Variants in TCEANC2 observed in about 807,000 individuals in gnomAD.
TCEANC2 encodes transcription elongation factor A N-terminal and central domain containing 2.
TCEANC2 carries 20 observed loss-of-function variants against 22.8 expected under a neutral mutation model. The ratio of observed to expected loss-of-function variants is 0.88; its 90% CI spans 0.62 to 1.28. The LOEUF is 1.28. TCEANC2 is among the 50% of genes most tolerant of loss of function. TCEANC2 has a pLI of 0.00. For missense variants in TCEANC2, 251 were observed against 249.7 expected, an observed-to-expected ratio of 1.01 and a Z score of -0.03; for synonymous variants, 84 against 95.5, an observed-to-expected ratio of 0.88 and a Z score of 0.70.
At chr1:54,066,360 C>T (rs1369667016) in intron 2 of TCEANC2, among the ~76,000 whole-genome samples, 1 of 151,874 alleles carries the variant, frequency 6.6e-6, no homozygotes, top group African/African-American at 2.4e-5. Flanking sequence ...TATCAGTAAT[C>T]ATAATAAACA....
chr1:54,070,950 C>T lies in TCEANC2; in HGVS notation c.244+2053C>T, dbSNP rs532725611. On this transcript the variant is annotated intron_variant, in intron 3 of 4. Transcript: ENST00000234827. ...TGATGGGGAGAAGTTAGCAAAATGA[C>T]TATATGTGTTAGGAGTAGGGCAGAA... Among the ~76,000 whole-genome samples the T allele has an allele frequency of 3.9e-5, 6 of 152,240 alleles. No individual in the cohort carries two copies. The South Asian group carries it at 1.2e-3, about 32-fold the overall frequency.
chr1:54,069,634 T>C (rs1201636197), intron 3 of TCEANC2, among the ~76,000 whole-genome samples: 1 of 151,080 alleles, frequency 6.6e-6, no homozygotes, highest in Non-Finnish European at 1.5e-5. Flanking sequence ...ACTTAGAGTT[T>C]GGTAGAGGAG....
chr1:54,111,570 ACT>A (rs1246054892), exon 5 of TCEANC2: 1 of 152,164 alleles, frequency 6.6e-6, no homozygotes, highest in Non-Finnish European at 1.5e-5. Flanking sequence ...AAAGCTTTTT[ACT>A]GGCCCCGTTG....
chr1:54,071,212 A>G (rs1370124543), intron 3 of TCEANC2, among the ~76,000 whole-genome samples: 1 of 152,202 alleles, frequency 6.6e-6, no homozygotes, highest in East Asian at 1.9e-4. Flanking sequence ...GTTATCTATC[A>G]CTGTGTAAAA....
rs1658710445 is a variant in TCEANC2 at position 54,104,394 on chromosome 1, G to GA, written c.*7921_*7922insA. 5 of 309,990 alleles carry GA rather than the reference G, an allele frequency of 1.6e-5. No homozygotes were observed. Among genetic ancestry groups the GA allele is most frequent in the Admixed American group, 1.6e-4 (4 of 25,316 alleles). 19.2% of individuals were successfully genotyped at this position (309,990 alleles called of 1,614,324 possible). ...AGCTCCTCATATCAGGAGACTACTA[G>GA]GCAAGAACAGTCACCATTCTTTGAG... On this transcript the variant is annotated 3_prime_UTR_variant, in exon 5 of 5. Coordinates refer to ENST00000234827, the MANE Select transcript of TCEANC2 (RefSeq NM_153035.3).
chr1:54,055,032 C>T (rs1657721754), intron 2 of TCEANC2, among the ~76,000 whole-genome samples: 1 of 152,160 alleles, frequency 6.6e-6, no homozygotes, highest in Non-Finnish European at 1.5e-5. Context: ...GACTGCAGTA[C>T]AGTGGCACGA....
chr1:54,066,180 T>A (rs1020418994), intron 2 of TCEANC2, among the ~76,000 whole-genome samples: 3 of 151,464 alleles, frequency 2.0e-5, no homozygotes, highest in African/African-American at 4.9e-5. Context: ...AGCCCTGGAG[T>A]TGAAGGCTAC....
At position 54,088,628 on chromosome 1, in the gene TCEANC2, A is replaced by G; in HGVS notation, c.276A>G (p.Ser92=). 6.2e-7 allele frequency: 1 copy of G among 1,604,436 alleles called. No homozygotes were observed. Among genetic ancestry groups the G allele is most frequent in the Non-Finnish European group, 8.5e-7 (1 of 1,177,398 alleles). Residue 92 remains serine (S), a synonymous_variant, in exon 4 of 5, where the codon TCA becomes TCG. Transcript: ENST00000234827. Reference sequence around the variant, plus strand: ...CTGTGAACAAGATGCGTAAACACTCAGATTCAGAAGTGGCTTCTCTTGCCA... The same window carrying G: ...CTGTGAACAAGATGCGTAAACACTCGGATTCAGAAGTGGCTTCTCTTGCCA... ...GHTVNKMRKH[S]DSEVASLARE... is the part of the protein sequence containing the mutation.
chr1:54,072,369 T>A (rs1045134050), intron 3 of TCEANC2, among the ~76,000 whole-genome samples: 2 of 151,816 alleles, frequency 1.3e-5, no homozygotes, highest in African/African-American at 2.4e-5. Context: ...TTTTTCATTT[T>A]TAAAAATTTG....
Position 54,104,465 on chromosome 1 carries a change from G to A in TCEANC2, c.*7992G>A, listed in dbSNP as rs1367931920. On this transcript the variant is annotated 3_prime_UTR_variant, in exon 5 of 5. Transcript: ENST00000234827. ...CAGGAGGAGGTACAGCTGCTGTTAAGCAATGGAGGGAAGGGAGGTATATCT... is the reference window on the plus strand; with the variant it reads ...CAGGAGGAGGTACAGCTGCTGTTAAACAATGGAGGGAAGGGAGGTATATCT... 1 of 374,028 alleles carries A rather than the reference G, an allele frequency of 2.7e-6. No homozygotes were observed. Among genetic ancestry groups the A allele is most frequent in the Admixed American group, 3.1e-5 (1 of 32,006 alleles). The allele number at this position is 374,028 out of a possible 1,614,324, so 23.2% of individuals were successfully genotyped here. A position where few individuals can be genotyped will look rare whatever the true frequency, so the allele number is the denominator to read the frequency against.
chr1:54,054,275 C>G (rs1276125744), intron 1 of TCEANC2, 106 bp from the exon 2 acceptor site: 6 of 1,456,938 alleles, frequency 4.1e-6, no homozygotes, highest in Non-Finnish European at 5.4e-6. Context: ...ACTCGAGGCC[C>G]CATAATTCAT....
In TCEANC2 at chr1:54,054,156, T is replaced by G. The variant is rs907566576; in HGVS notation, c.-42-225T>G. ...GAATCCTCGCTAGAGCGTGCACTTC[T>G]GGAAGCTAGGAACCTCCTAACTCAG... On this transcript the variant is annotated intron_variant, in intron 1 of 4. Coordinates refer to ENST00000234827, the MANE Select transcript of TCEANC2 (RefSeq NM_153035.3). 8 of 1,136,228 alleles carry G rather than the reference T, an allele frequency of 7.0e-6. No individual in the cohort carries two copies. In the African/African-American group the frequency reaches 1.3e-4, roughly 18 times the overall value. The allele number at this position is 1,136,228 out of a possible 1,614,324, so 70.4% of individuals were successfully genotyped here.
At chr1:54,063,172 T>C (rs575371045) in intron 2 of TCEANC2, among the ~76,000 whole-genome samples, 4 of 152,238 alleles carry the variant, frequency 2.6e-5, no homozygotes, top group African/African-American at 9.6e-5. Flanking sequence ...CTCGGGCTAA[T>C]GTGATGTGGG....
intron 4 of TCEANC2, among the ~76,000 whole-genome samples, chr1:54,092,372 G>A (rs1211089547): frequency 6.6e-6 from 1 of 152,196 alleles, no homozygotes; most frequent in Non-Finnish European, 1.5e-5. Context: ...ATCTGATGGG[G>A]GAATCTGGGA....
chr1:54,061,578 A>G (rs1280025868), intron 2 of TCEANC2, among the ~76,000 whole-genome samples: 1 of 152,202 alleles, frequency 6.6e-6, no homozygotes, highest in Non-Finnish European at 1.5e-5. Flanking sequence ...TTTAAATCTT[A>G]ATAATAGCTT....
chr1:54,064,617 A>G (rs868199529), intron 2 of TCEANC2, among the ~76,000 whole-genome samples: 1 of 151,688 alleles, frequency 6.6e-6, no homozygotes, highest in Non-Finnish European at 1.5e-5. Context: ...GGAGGCTGAA[A>G]TGAAGTTACA....
In TCEANC2 at chr1:54,088,601, C is replaced by T. The variant is rs775252345; in HGVS notation, c.249C>T (p.His83=). ...GTTTTTCTCTTCCTGTTCCAGGTCA[C>T]ACTGTGAACAAGATGCGTAAACACT... is the stretch of plus-strand genomic sequence containing the variant. ...REVLKSTRIG[H]TVNKMRKHSD... is the part of the protein sequence containing the mutation. Residue 83 remains histidine, a synonymous_variant, in exon 4 of 5, where the codon CAC becomes CAT. Coordinates refer to ENST00000234827, the MANE Select transcript of TCEANC2 (RefSeq NM_153035.3). 88 of 1,598,936 alleles carry T rather than the reference C, an allele frequency of 5.5e-5. No individual in the cohort carries two copies. In the East Asian group the frequency reaches 1.6e-3, roughly 29 times the overall value.
chr1:54,102,283 G>A lies in TCEANC2; in HGVS notation c.*5810G>A, dbSNP rs1658675774. The A allele has an allele frequency of 6.6e-6, 1 of 152,230 alleles. No individual in the cohort carries two copies. The highest frequency in any genetic ancestry group is 1.9e-4 in the East Asian group (1 of 5,196). The allele number at this position is 152,230 out of a possible 1,614,324, so 9.4% of individuals were successfully genotyped here. A position where few individuals can be genotyped will look rare whatever the true frequency, so the allele number is the denominator to read the frequency against. Reference sequence around the variant, plus strand: ...AGCCCAAAGTACCCGAGGTATCTGTGGTGGGAACAGATGCCTGTGAAGTTT... The same window carrying A: ...AGCCCAAAGTACCCGAGGTATCTGTAGTGGGAACAGATGCCTGTGAAGTTT... On this transcript the variant is annotated 3_prime_UTR_variant, in exon 5 of 5. Transcript: ENST00000234827.
downstream of TCEANC2, among the ~76,000 whole-genome samples, chr1:54,106,317 A>G (rs761256530): frequency 2.2e-4 from 33 of 152,254 alleles, no homozygotes; most frequent in Non-Finnish European, 4.6e-4. Flanking sequence ...AGGTTTGTAT[A>G]ACAGCACTAT....
Sources: allele counts gnomAD v4.1 joint callset (sites outside exome capture counted in the v4.1 genomes callset), GRCh38; gene constraint gnomAD v4.1.1; transcripts MANE v1.5; gene names NCBI Gene and HGNC (gene_info 2026-07-23, HGNC 2026-07-21).